PKHD1: variants seen among roughly 807,000 people sequenced by gnomAD.
PKHD1 encodes fibrocystin.
PKHD1 carries 291 observed loss-of-function variants against 412.0 expected under a neutral mutation model. That is an observed-to-expected ratio of 0.71 (90% CI 0.64 to 0.78). The LOEUF (loss-of-function observed/expected upper bound fraction) is 0.78. Ranked by LOEUF, PKHD1 falls within the 30% of genes least tolerant of loss-of-function variation. The pLI, the probability that PKHD1 is intolerant of heterozygous loss-of-function variation, is 0.00. For missense variants in PKHD1, 4,825 were observed against 4,950.7 expected, an observed-to-expected ratio of 0.97 and a Z score of 0.76; for synonymous variants, 1,777 against 1,821.5, an observed-to-expected ratio of 0.98 and a Z score of 0.62.
At chr6:51,760,071 A>G (rs1257225037) in intron 55 of PKHD1, among the ~76,000 whole-genome samples, 1 of 151,884 alleles carries the variant, frequency 6.6e-6, no homozygotes, top group African/African-American at 2.4e-5. Flanking sequence ...ACTCTTGCCA[A>G]TGAGTGCATA....
chr6:51,766,417 G>A (rs1178530037), intron 55 of PKHD1, among the ~76,000 whole-genome samples: 1 of 151,972 alleles, frequency 6.6e-6, no homozygotes, highest in Non-Finnish European at 1.5e-5. Flanking sequence ...GTGAGCCTCT[G>A]CTCTATTTTG....
In PKHD1 at chr6:52,007,220, C is replaced by A. The variant is rs1401382358; in HGVS notation, c.5751+3089G>T. Among the ~76,000 whole-genome samples, 7 of 152,172 alleles carry A rather than the reference C, an allele frequency of 4.6e-5. No individual in the cohort carries two copies. In the East Asian group the frequency reaches 1.3e-3, roughly 29 times the overall value. The stretch of plus-strand genomic sequence containing the variant: ...GGCTAGATACCCAGTAATGGGATTG[C>A]TGGATCAAATGGTAGTCTACTTTTA... On this transcript the variant is annotated intron_variant, in intron 35 of 66. Transcript: ENST00000371117.
intron 65 of PKHD1, among the ~76,000 whole-genome samples, chr6:51,630,053 A>G (rs1767740591): frequency 6.6e-6 from 1 of 152,048 alleles, no homozygotes; most frequent in Non-Finnish European, 1.5e-5. Context: ...GATCTTCACG[A>G]CTCCGTGAAA....
At chr6:51,730,790 C>T (rs561841536) in intron 60 of PKHD1, among the ~76,000 whole-genome samples, 67 of 152,230 alleles carry the variant, frequency 4.4e-4, no homozygotes, top group African/African-American at 1.6e-3. Flanking sequence ...CAAGTATTCC[C>T]TTCCATTAAA....
chr6:52,010,212 C>G, intron 35 of PKHD1, 97 bp downstream of exon 35: 3 of 1,006,464 alleles, frequency 3.0e-6, no homozygotes, highest in South Asian at 1.3e-5. Flanking sequence ...TATTATATAT[C>G]GCTGCCATTT....
chr6:51,746,984 T>C (rs1785275835), intron 58 of PKHD1, 95 bp from the exon 59 acceptor site: 1 of 767,790 alleles, frequency 1.3e-6, no homozygotes, highest in Non-Finnish European at 2.1e-6. Context: ...TAATAATGTA[T>C]ACCCTAAGTT....
At chr6:52,022,448 G>A (rs1297366120) in intron 33 of PKHD1, among the ~76,000 whole-genome samples, 1 of 152,106 alleles carries the variant, frequency 6.6e-6, no homozygotes, top group Non-Finnish European at 1.5e-5. Flanking sequence ...TCAGAACAAA[G>A]CCAAGAGCTT....
At chr6:51,842,344 G>A (rs1437179028) in intron 50 of PKHD1, among the ~76,000 whole-genome samples, 1 of 152,126 alleles carries the variant, frequency 6.6e-6, no homozygotes, top group East Asian at 1.9e-4. Context: ...TCGGGAGGGG[G>A]ATCAAGCTAG....
chr6:51,970,185 AT>A (rs1252646915), intron 35 of PKHD1, among the ~76,000 whole-genome samples: 1 of 152,146 alleles, frequency 6.6e-6, no homozygotes, highest in Non-Finnish European at 1.5e-5. Context: ...TTCTCTGATG[AT>A]TACTAATGTT....
intron 35 of PKHD1, among the ~76,000 whole-genome samples, chr6:52,004,171 T>C (rs1485376735): frequency 2.0e-5 from 3 of 152,166 alleles, no homozygotes; most frequent in African/African-American, 4.8e-5. Context: ...TAGAGATTAC[T>C]ATCTATCCAT....
chr6:51,746,984 T>A, intron 58 of PKHD1, 95 bp from the exon 59 acceptor site: 1 of 767,790 alleles, frequency 1.3e-6, no homozygotes, highest in South Asian at 1.8e-5. Flanking sequence ...TAATAATGTA[T>A]ACCCTAAGTT....
intron 55 of PKHD1, among the ~76,000 whole-genome samples, chr6:51,763,343 G>A (rs1462743235): frequency 6.6e-6 from 1 of 152,016 alleles, no homozygotes; most frequent in Admixed American, 6.6e-5. Flanking sequence ...CCAAATAAAT[G>A]GTAGCTAGTT....
intron 35 of PKHD1, chr6:51,975,675 C>G (rs1191836797): frequency 6.7e-6 from 1 of 149,518 alleles, no homozygotes; most frequent in Non-Finnish European, 1.5e-5. Context: ...GCAGTGTTGC[C>G]TATAGTCCCA....
intron 52 of PKHD1, among the ~76,000 whole-genome samples, chr6:51,807,475 A>G (rs1442625424): frequency 3.3e-4 from 37 of 111,542 alleles, no homozygotes; most frequent in South Asian, 1.7e-3. Context: ...ATATATATAT[A>G]TATATGTATA....
chr6:51,889,308 G>A (rs1452269325), intron 43 of PKHD1, among the ~76,000 whole-genome samples: 1 of 152,124 alleles, frequency 6.6e-6, no homozygotes, highest in African/African-American at 2.4e-5. Context: ...CACTCAACAA[G>A]ACATTAAATG....
rs1581923192 is a variant in PKHD1 at position 52,045,173 on chromosome 6, T to A, written c.2593-85A>T. The A allele has an allele frequency of 2.2e-6, 3 of 1,342,696 alleles. No homozygotes were observed. The South Asian group carries it at 3.6e-5, about 16-fold the overall frequency. The allele number at this position is 1,342,696 out of a possible 1,614,324, so 83.2% of individuals were successfully genotyped here. On this transcript the variant is annotated intron_variant, in intron 24 of 66. Transcript: ENST00000371117. ...TCAAATAATAAAGAGTTTTTTCACA[T>A]TGTGTTTCAGATAATCAGACAGCTA...
At chr6:51,819,797 T>C (rs1766078592) in intron 52 of PKHD1, among the ~76,000 whole-genome samples, 1 of 152,176 alleles carries the variant, frequency 6.6e-6, no homozygotes, top group Admixed American at 6.5e-5. Context: ...AAATCAATTT[T>C]GGCTTTGCGA....
chr6:51,755,207 T>A (rs1001645489), intron 55 of PKHD1, among the ~76,000 whole-genome samples: 1 of 152,136 alleles, frequency 6.6e-6, no homozygotes, highest in Non-Finnish European at 1.5e-5. Flanking sequence ...TAAAAAACAA[T>A]AAAAGTTCCA....
intron 60 of PKHD1, among the ~76,000 whole-genome samples, chr6:51,688,398 C>A (rs2150606914): frequency 6.6e-6 from 1 of 152,060 alleles, no homozygotes; most frequent in South Asian, 2.1e-4. Flanking sequence ...AGTTAACAAC[C>A]TAATATCACA....
Sources: gnomAD v4.1 joint callset for allele counts (sites outside exome capture counted in the v4.1 genomes callset) on GRCh38, gnomAD v4.1.1 for gene constraint, MANE v1.5 for transcripts, NCBI Gene and HGNC (gene_info 2026-07-23, HGNC 2026-07-21) for gene names.